The following PLCXD3 variants were observed in gnomAD, a reference collection of about 807,000 sequenced individuals.
PLCXD3 encodes PI-PLC X domain-containing protein 3.
In PLCXD3, 19 loss-of-function variants were observed where a neutral mutation model predicts 25.5. The ratio of observed to expected loss-of-function variants is 0.75; its 90% confidence interval spans 0.52 to 1.09. The LOEUF is 1.09. Among genes scored for constraint, PLCXD3 ranks in the 50% least tolerant of loss-of-function variants. The probability of loss-of-function intolerance (pLI) is 0.00; values close to 1 mark genes in which losing one functional copy is unlikely to be tolerated. For missense variants in PLCXD3, 411 were observed against 388.1 expected (o/e 1.06, Z -0.50); for synonymous variants, 174 against 137.6 (o/e 1.26, Z -1.85).
At chr5:41,331,539 G>A (rs557962378) in intron 2 of PLCXD3, among the ~76,000 whole-genome samples, 1 of 152,022 alleles carries the variant, frequency 6.6e-6, no homozygotes, top group Non-Finnish European at 1.5e-5. Flanking sequence ...GTAGATTCAA[G>A]GCCATCCCCA....
chr5:41,460,308 T>A (rs1747846627), intron 1 of PLCXD3, among the ~76,000 whole-genome samples: 1 of 151,970 alleles, frequency 6.6e-6, no homozygotes, highest in Non-Finnish European at 1.5e-5. Context: ...CCTGTTGAAC[T>A]GTACATAATT....
chr5:41,487,901 ATTTT>A (rs1246827177), intron 1 of PLCXD3, among the ~76,000 whole-genome samples: 2 of 151,946 alleles, frequency 1.3e-5, no homozygotes, highest in East Asian at 3.9e-4. Context: ...GGTTTTATTT[ATTTT>A]ATTTTATTTT....
At chr5:41,477,597 A>T (rs373205641) in intron 1 of PLCXD3, among the ~76,000 whole-genome samples, 1 of 152,126 alleles carries the variant, frequency 6.6e-6, no homozygotes, top group Non-Finnish European at 1.5e-5. Flanking sequence ...CCCTCCCATG[A>T]TTCTAATCTC....
At chr5:41,358,736 A>G (rs1224863276) in intron 2 of PLCXD3, among the ~76,000 whole-genome samples, 2 of 152,132 alleles carry the variant, frequency 1.3e-5, no homozygotes, top group African/African-American at 2.4e-5. Context: ...TGCTCTGGCT[A>G]GGACTTTCAG....
intron 1 of PLCXD3, among the ~76,000 whole-genome samples, chr5:41,487,549 A>G (rs531864326): frequency 3.9e-5 from 6 of 152,260 alleles, no homozygotes; most frequent in Non-Finnish European, 8.8e-5. Context: ...ATAAAAACAT[A>G]TAAACAAATA....
At chr5:41,337,695 G>GT (rs1053106109) in intron 2 of PLCXD3, among the ~76,000 whole-genome samples, 73 of 152,176 alleles carry the variant, frequency 4.8e-4, no homozygotes, top group Middle Eastern at 3.4e-3. Flanking sequence ...TGATTTCTTT[G>GT]TTTTTTTCCC....
At chr5:41,340,545 G>A (rs1735994742) in intron 2 of PLCXD3, among the ~76,000 whole-genome samples, 1 of 152,100 alleles carries the variant, frequency 6.6e-6, no homozygotes, top group Non-Finnish European at 1.5e-5. Context: ...GGAGTTGGTG[G>A]TGAGCTAGAC....
chr5:41,366,640 A>G (rs933970680), intron 2 of PLCXD3, among the ~76,000 whole-genome samples: 1 of 152,110 alleles, frequency 6.6e-6, no homozygotes, highest in Admixed American at 6.6e-5. Context: ...ACACATCAAC[A>G]TATTCTTTTT....
chr5:41,378,973 A>C (rs1280099182), intron 2 of PLCXD3, among the ~76,000 whole-genome samples: 2 of 152,130 alleles, frequency 1.3e-5, no homozygotes, highest in South Asian at 2.1e-4. Context: ...TGATCTCTAC[A>C]CAGGTAAAAT....
chr5:41,349,158 T>G (rs1452701431), intron 2 of PLCXD3, among the ~76,000 whole-genome samples: 1 of 152,218 alleles, frequency 6.6e-6, no homozygotes, highest in Non-Finnish European at 1.5e-5. Flanking sequence ...GACCCCTAGC[T>G]CTATCTAGTA....
chr5:41,391,811 G>A (rs1414869278), intron 1 of PLCXD3, among the ~76,000 whole-genome samples: 3 of 152,096 alleles, frequency 2.0e-5, no homozygotes, highest in Non-Finnish European at 1.5e-5. Context: ...TGGATCAAAC[G>A]GGAGACCATT....
At chr5:41,400,311 A>G (rs927018641) in intron 1 of PLCXD3, among the ~76,000 whole-genome samples, 2 of 152,146 alleles carry the variant, frequency 1.3e-5, no homozygotes, top group Non-Finnish European at 2.9e-5. Flanking sequence ...TAGAGCTACC[A>G]TATGATCTAG....
At chr5:41,346,547 T>A (rs920252978) in intron 2 of PLCXD3, among the ~76,000 whole-genome samples, 3 of 152,140 alleles carry the variant, frequency 2.0e-5, no homozygotes, top group Non-Finnish European at 2.9e-5. Context: ...GTCTCTATAA[T>A]TTTGAATGTG....
rs1743144356 is a variant in PLCXD3, at chr5:41,311,948, C to T, written c.*1669G>A. 6.6e-6 allele frequency: 1 copy of T among 152,404 alleles called. No homozygotes were observed. Among genetic ancestry groups the T allele is most frequent in the Admixed American group, 6.6e-5 (1 of 15,236 alleles). The allele number at this position is 152,404 out of a possible 1,614,324, so 9.4% of individuals were successfully genotyped here. On this transcript the variant is annotated 3_prime_UTR_variant, in exon 3 of 3. Coordinates refer to ENST00000377801, the MANE Select transcript of PLCXD3 (RefSeq NM_001005473.3). ...CCCTACTTTGCATGGACTGTATTAT[C>T]CTAGGAAACTATTGGGGTGTGATTA...
intron 1 of PLCXD3, among the ~76,000 whole-genome samples, chr5:41,419,140 A>G (rs1337685287): frequency 6.7e-6 from 1 of 148,472 alleles, no homozygotes. Flanking sequence ...GAAGAAAGGT[A>G]ATAATGTTAA....
chr5:41,493,988 G>C (rs965273734), intron 1 of PLCXD3, among the ~76,000 whole-genome samples: 2 of 152,336 alleles, frequency 1.3e-5, no homozygotes, highest in East Asian at 1.9e-4. Flanking sequence ...GATGAACCTC[G>C]TACCTCAGAT....
At chr5:41,406,102 C>T (rs1010361751) in intron 1 of PLCXD3, among the ~76,000 whole-genome samples, 4 of 151,992 alleles carry the variant, frequency 2.6e-5, no homozygotes, top group African/African-American at 4.8e-5. Flanking sequence ...TATTTTCCTC[C>T]TTTGGTTTTT....
intron 2 of PLCXD3, among the ~76,000 whole-genome samples, chr5:41,334,825 G>T (rs1044801924): frequency 6.6e-6 from 1 of 152,050 alleles, no homozygotes; most frequent in Non-Finnish European, 1.5e-5. Context: ...TCCAAGTCAG[G>T]GTTTCAAAAT....
chr5:41,490,407 G>A (rs1488082887), intron 1 of PLCXD3, among the ~76,000 whole-genome samples: 3 of 152,010 alleles, frequency 2.0e-5, no homozygotes, highest in Non-Finnish European at 2.9e-5. Context: ...TTTTTTGGTT[G>A]TGTCTCTGCC....
Sources: allele counts gnomAD v4.1 joint callset (sites outside exome capture counted in the v4.1 genomes callset), GRCh38; gene constraint gnomAD v4.1.1; transcripts MANE v1.5; gene names NCBI Gene and HGNC (gene_info 2026-07-23, HGNC 2026-07-21).